SDK1: variants seen among roughly 807,000 people sequenced by gnomAD.
SDK1 encodes protein sidekick-1.
SDK1 carries 157 observed loss-of-function variants against 245.5 expected under a neutral mutation model. That is an observed-to-expected ratio of 0.64 (90% CI 0.56 to 0.73). The LOEUF (loss-of-function observed/expected upper bound fraction) is 0.73. Ranked by LOEUF, SDK1 falls within the 30% of genes least tolerant of loss-of-function variation. The pLI, the probability that SDK1 is intolerant of heterozygous loss-of-function variation, is 0.00. For missense variants in SDK1, 3,583 were observed against 3,002.3 expected, an observed-to-expected ratio of 1.19 and a Z score of -4.52; for synonymous variants, 1,647 against 1,278.5, an observed-to-expected ratio of 1.29 and a Z score of -6.15.
At chr7:3,630,223 A>G (rs1468313795) in intron 2 of SDK1, among the ~76,000 whole-genome samples, 1 of 152,218 alleles carries the variant, frequency 6.6e-6, no homozygotes, top group Non-Finnish European at 1.5e-5. Flanking sequence ...TAATTTTTTC[A>G]AATTTGCAAA....
intron 1 of SDK1, among the ~76,000 whole-genome samples, chr7:3,584,938 A>G (rs1780636228): frequency 6.6e-6 from 1 of 151,980 alleles, no homozygotes; most frequent in South Asian, 2.1e-4. Context: ...GTTAGCCAGG[A>G]TGGTCCCGAT....
chr7:3,334,795 A>G (rs1780157210), intron 1 of SDK1, among the ~76,000 whole-genome samples: 2 of 152,144 alleles, frequency 1.3e-5, no homozygotes, highest in South Asian at 4.1e-4. Flanking sequence ...CCAGAAGTCT[A>G]GAGGTATATT....
intron 4 of SDK1, among the ~76,000 whole-genome samples, chr7:3,671,704 C>T (rs914008087): frequency 6.6e-6 from 1 of 151,978 alleles, no homozygotes; most frequent in Non-Finnish European, 1.5e-5. Context: ...TCATTCAGTA[C>T]AAAATAATCC....
intron 4 of SDK1, among the ~76,000 whole-genome samples, chr7:3,647,118 GCTCACACCTGTA>G (rs1782863429): frequency 6.6e-6 from 1 of 152,172 alleles, no homozygotes; most frequent in Non-Finnish European, 1.5e-5. Flanking sequence ...ACGGATGGTG[GCTCACACCTGTA>G]CTCCCAGCGC....
intron 14 of SDK1, among the ~76,000 whole-genome samples, chr7:3,987,661 G>A (rs1474614687): frequency 6.6e-6 from 1 of 152,178 alleles, no homozygotes; most frequent in Non-Finnish European, 1.5e-5. Flanking sequence ...TGACTTGAGA[G>A]TTCACCGTCG....
At chr7:3,382,332 C>T (rs192969794) in intron 1 of SDK1, among the ~76,000 whole-genome samples, 14 of 152,212 alleles carry the variant, frequency 9.2e-5, no homozygotes, top group Admixed American at 3.9e-4. Context: ...TTCTAGATCA[C>T]GTGGCTAGTA....
intron 4 of SDK1, among the ~76,000 whole-genome samples, chr7:3,684,867 A>G (rs2116618): frequency 0.27 from 40,603 of 152,062 alleles, 8,299 homozygotes; most frequent in African/African-American, 0.56. Context: ...GATGGGCTCA[A>G]TAGTAGAATA....
chr7:3,368,863 A>C (rs547937028), intron 1 of SDK1, among the ~76,000 whole-genome samples: 1 of 152,178 alleles, frequency 6.6e-6, no homozygotes, highest in Non-Finnish European at 1.5e-5. Context: ...ATTGGTATTA[A>C]ATAATATAAA....
chr7:3,489,977 G>GT lies in SDK1; in HGVS notation c.299-129094dup, dbSNP rs1009132459. On this transcript the variant is annotated intron_variant, in intron 1 of 44. Coordinates refer to ENST00000404826, the MANE Select transcript of SDK1 (RefSeq NM_152744.4). ...TACATTTGGAGAATTGTCAAGATGG[G>GT]TTTTTTTTTCCCCTCGTGCTTACTG... 2.9e-4 allele frequency among the ~76,000 whole-genome samples: 44 copies of GT among 151,548 alleles called. 1 individual carries two copies. Among genetic ancestry groups the GT allele is most frequent in the Middle Eastern group, 3.4e-3 (1 of 294 alleles).
chr7:3,793,844 A>T (rs1249730176), intron 4 of SDK1, among the ~76,000 whole-genome samples: 1 of 152,158 alleles, frequency 6.6e-6, no homozygotes, highest in Non-Finnish European at 1.5e-5. Context: ...GCACAATGGC[A>T]GTCACCTTGG....
intron 1 of SDK1, among the ~76,000 whole-genome samples, chr7:3,432,272 G>C (rs779422373): frequency 6.6e-6 from 1 of 151,732 alleles, no homozygotes; most frequent in Non-Finnish European, 1.5e-5. Flanking sequence ...GATGACATTA[G>C]TATCATCAAA....
Position 4,149,339 on chromosome 7 carries a change from CCGGG to C in SDK1, c.4503_4506del (p.Gly1502AlafsTer41). On this transcript the variant is annotated frameshift_variant, in exon 30 of 45. Transcript: ENST00000404826. LOFTEE classifies it high-confidence loss of function. ...ACGCAGCCTCCGGCTCCAGTGGGTC[CCGGG>C]CAGCGACGGGGCCTCCCCCATCCGG... is the stretch of plus-strand genomic sequence containing the variant. 1 of 1,591,750 alleles carries C rather than the reference CCGGG, an allele frequency of 6.3e-7. No individual in the cohort carries two copies. Among genetic ancestry groups the C allele is most frequent in the Admixed American group, 1.7e-5 (1 of 57,162 alleles).
At chr7:3,528,920 C>T (rs181670428) in intron 1 of SDK1, among the ~76,000 whole-genome samples, 34 of 152,216 alleles carry the variant, frequency 2.2e-4, no homozygotes, top group South Asian at 1.7e-3. Context: ...GAGGTATTAC[C>T]AGCTACAGGG....
chr7:3,928,735 G>A (rs1779866727), intron 5 of SDK1, among the ~76,000 whole-genome samples: 1 of 152,206 alleles, frequency 6.6e-6, no homozygotes, highest in East Asian at 1.9e-4. Flanking sequence ...ACCAGGTTCA[G>A]TACCTCACAT....
intron 44 of SDK1, among the ~76,000 whole-genome samples, chr7:4,250,012 T>G (rs995414142): frequency 2.0e-5 from 3 of 152,186 alleles, no homozygotes; most frequent in Non-Finnish European, 2.9e-5. Context: ...CTGTACCGAT[T>G]AGCAGTCACT....
chr7:3,451,577 C>G (rs1268368900), intron 1 of SDK1, among the ~76,000 whole-genome samples: 2 of 151,642 alleles, frequency 1.3e-5, no homozygotes, highest in Admixed American at 6.7e-5. Flanking sequence ...TCGATTTCAT[C>G]TAATTTCCAT....
At chr7:3,934,549 A>G (rs1165896209) in intron 5 of SDK1, among the ~76,000 whole-genome samples, 1 of 152,352 alleles carries the variant, frequency 6.6e-6, no homozygotes, top group East Asian at 1.9e-4. Flanking sequence ...ACAGGTGTTG[A>G]TGTCTATTTG....
chr7:3,956,463 T>TACTA (rs1268984854), intron 7 of SDK1, among the ~76,000 whole-genome samples: 5 of 151,964 alleles, frequency 3.3e-5, no homozygotes, highest in Admixed American at 6.6e-5. Flanking sequence ...GGTGGGGAAG[T>TACTA]ACTAAGGGAA....
rs547954230 is a variant in SDK1 at position 3,894,922 on chromosome 7, C to T, written c.848-56001C>T. 1.3e-5 allele frequency among the ~76,000 whole-genome samples: 2 copies of T among 152,090 alleles called. 1 individual carries two copies. Among genetic ancestry groups the T allele is most frequent in the African/African-American group, 4.8e-5 (2 of 41,498 alleles). ...CGGCCAACTCCTGACCTCAGGTGAT[C>T]TGCCTGCTTTGGCCTCCTGAAGTGC... On this transcript the variant is annotated intron_variant, in intron 5 of 44. Transcript: ENST00000404826.
Sources: gnomAD v4.1 joint callset for allele counts (sites outside exome capture counted in the v4.1 genomes callset) on GRCh38, gnomAD v4.1.1 for gene constraint, MANE v1.5 for transcripts, NCBI Gene and HGNC (gene_info 2026-07-23, HGNC 2026-07-21) for gene names.